QKI: variants seen among roughly 807,000 people sequenced by gnomAD.
QKI encodes the protein KH domain-containing RNA-binding protein QKI.
QKI carries 10 observed loss-of-function variants against 39.0 expected under a neutral mutation model. That is an observed-to-expected ratio of 0.26 (90% CI 0.16 to 0.43). QKI has a LOEUF of 0.43. Among genes scored for constraint, QKI ranks in the 20% least tolerant of loss-of-function variants. The pLI is 1.00. For missense variants in QKI, 218 were observed against 428.0 expected (o/e 0.51, Z 4.33); for synonymous variants, 204 against 155.4 (o/e 1.31, Z -2.33).
intron 2 of QKI, among the ~76,000 whole-genome samples, chr6:163,477,729 C>T (rs1792731256): frequency 6.6e-6 from 1 of 152,164 alleles, no homozygotes; most frequent in Non-Finnish European, 1.5e-5. Flanking sequence ...GTACTACCTA[C>T]CACCTTTCAT....
chr6:163,565,885 T>C, intron 6 of QKI: 10 of 1,606,078 alleles, frequency 6.2e-6, no homozygotes, highest in Non-Finnish European at 8.5e-6. Flanking sequence ...GTGAGGAGAT[T>C]GGTATTAGCA....
At chr6:163,417,558 T>A (rs1787622152) in intron 1 of QKI, among the ~76,000 whole-genome samples, 1 of 152,220 alleles carries the variant, frequency 6.6e-6, no homozygotes, top group African/African-American at 2.4e-5. Flanking sequence ...GCTTTAATAA[T>A]TTTTAATCTT....
At chr6:163,486,409 G>A (rs561781363) in intron 3 of QKI, among the ~76,000 whole-genome samples, 2 of 152,262 alleles carry the variant, frequency 1.3e-5, no homozygotes, top group Non-Finnish European at 2.9e-5. Flanking sequence ...CATGACTTAC[G>A]AAATGTTATT....
intron 2 of QKI, among the ~76,000 whole-genome samples, chr6:163,466,593 T>C (rs2128222069): frequency 6.6e-6 from 1 of 151,984 alleles, no homozygotes; most frequent in Middle Eastern, 3.4e-3. Flanking sequence ...CAACTAATCT[T>C]TGACAAGGGT....
chr6:163,545,778 C>T (rs1781824724), intron 4 of QKI, among the ~76,000 whole-genome samples: 1 of 151,434 alleles, frequency 6.6e-6, no homozygotes, highest in Admixed American at 6.6e-5. Flanking sequence ...AAATTTTAGG[C>T]GTTGCAAATG....
Position 163,572,446 on chromosome 6 carries a change from C to A in QKI, c.*1736C>A, listed in dbSNP as rs1274793548. ...TGTATCCTTTTACTGTTTCAATAAC[C>A]TCTGCCTCCCCCACCCCTTAACTTT... On this transcript the variant is annotated 3_prime_UTR_variant, in exon 8 of 8. Coordinates refer to ENST00000361752, the MANE Select transcript of QKI (RefSeq NM_006775.3). The A allele has an allele frequency of 6.6e-6, 1 of 152,136 alleles. No individual in the cohort carries two copies. The highest frequency in any genetic ancestry group is 1.5e-5 in the Non-Finnish European group (1 of 68,032). The allele number at this position is 152,136 out of a possible 1,614,324, so 9.4% of individuals were successfully genotyped here. A position where few individuals can be genotyped will look rare whatever the true frequency, so the allele number is the denominator to read the frequency against.
chr6:163,522,627 A>G (rs1780231588), intron 3 of QKI, among the ~76,000 whole-genome samples: 2 of 152,160 alleles, frequency 1.3e-5, no homozygotes, highest in Admixed American at 1.3e-4. Context: ...GTCAGCAAAT[A>G]TGAGTACTGG....
At chr6:163,488,898 C>T (rs1004310625) in intron 3 of QKI, among the ~76,000 whole-genome samples, 1 of 151,564 alleles carries the variant, frequency 6.6e-6, no homozygotes, top group Non-Finnish European at 1.5e-5. Flanking sequence ...CATCTCAGGC[C>T]CATTTATTTA....
intron 2 of QKI, among the ~76,000 whole-genome samples, chr6:163,456,477 A>C (rs950321135): frequency 4.6e-5 from 7 of 152,226 alleles, no homozygotes; most frequent in African/African-American, 1.7e-4. Flanking sequence ...TTATGAAAGC[A>C]GATGAAAAAA....
chr6:163,509,488 GA>G (rs746973369), intron 3 of QKI, among the ~76,000 whole-genome samples: 21 of 148,608 alleles, frequency 1.4e-4, no homozygotes, highest in Admixed American at 1.4e-3. Context: ...AGGGGGGGGG[GA>G]ATAGTATTGT....
chr6:163,417,193 C>T (rs980073580), intron 1 of QKI, among the ~76,000 whole-genome samples: 7 of 151,916 alleles, frequency 4.6e-5, no homozygotes, highest in Non-Finnish European at 8.8e-5. Context: ...ACTGTCTTCT[C>T]CTTGGCATAT....
intron 2 of QKI, among the ~76,000 whole-genome samples, chr6:163,473,441 G>C (rs1792352524): frequency 6.6e-6 from 1 of 152,082 alleles, no homozygotes. Flanking sequence ...AGAGAATTAT[G>C]GTCATTTTTG....
At chr6:163,428,099 T>G (rs555458772) in intron 1 of QKI, among the ~76,000 whole-genome samples, 1 of 152,320 alleles carries the variant, frequency 6.6e-6, no homozygotes, top group Non-Finnish European at 1.5e-5. Context: ...AATGTTCTCC[T>G]TTAAATTGTA....
rs148962893 is a variant in QKI at position 163,525,595 on chromosome 6, G to C, written c.403-9387G>C. On this transcript the variant is annotated intron_variant, in intron 3 of 7. Transcript: ENST00000361752. Reference sequence around the variant, plus strand: ...GCTGGTCTCAAACTTCTGACCTCGTGATCCTCCCCCCTCCCCGCCTCGGCC... The same window carrying C: ...GCTGGTCTCAAACTTCTGACCTCGTCATCCTCCCCCCTCCCCGCCTCGGCC... Among the ~76,000 whole-genome samples the C allele has an allele frequency of 5.3e-4, 80 of 152,132 alleles. No individual in the cohort carries two copies. The East Asian group carries it at 0.015, about 28-fold the overall frequency.
chr6:163,415,030 G>C lies in QKI; in HGVS notation c.-164G>C. On this transcript the variant is annotated 5_prime_UTR_variant, in exon 1 of 8. Transcript: ENST00000361752. ...CCTGCGGGGGGCGGGCGAGCGCGCGGTGCCGGCCGCCCCGGGGCTCGGCGC... is the reference window on the plus strand; with the variant it reads ...CCTGCGGGGGGCGGGCGAGCGCGCGCTGCCGGCCGCCCCGGGGCTCGGCGC... The C allele has an allele frequency of 1.5e-6, 1 of 679,024 alleles. No individual in the cohort carries two copies. Among genetic ancestry groups the C allele is most frequent in the Non-Finnish European group, 1.8e-6 (1 of 560,332 alleles). 42.1% of individuals were successfully genotyped at this position (679,024 alleles called of 1,614,324 possible).
chr6:163,516,573 G>A (rs1394839957), intron 3 of QKI, among the ~76,000 whole-genome samples: 5 of 152,196 alleles, frequency 3.3e-5, no homozygotes, highest in African/African-American at 1.2e-4. Context: ...GATTACAGGC[G>A]TGAGCCATTG....
At chr6:163,521,768 A>T (rs949016551) in intron 3 of QKI, among the ~76,000 whole-genome samples, 3 of 151,940 alleles carry the variant, frequency 2.0e-5, no homozygotes, top group African/African-American at 7.3e-5. Flanking sequence ...TGATTTGCCC[A>T]CCTCAGCCTC....
chr6:163,460,472 G>A (rs982071888), intron 2 of QKI, among the ~76,000 whole-genome samples: 9 of 152,190 alleles, frequency 5.9e-5, no homozygotes, highest in Admixed American at 3.3e-4. Flanking sequence ...ACATGTTGAT[G>A]ATGGAACACG....
chr6:163,484,189 G>T (rs1793297340), intron 3 of QKI, among the ~76,000 whole-genome samples: 2 of 150,940 alleles, frequency 1.3e-5, no homozygotes, highest in Non-Finnish European at 1.5e-5. Context: ...CACAGGCAGG[G>T]TACATTAGCC....
Sources: gnomAD v4.1 joint callset for allele counts (sites outside exome capture counted in the v4.1 genomes callset) on GRCh38, gnomAD v4.1.1 for gene constraint, MANE v1.5 for transcripts, NCBI Gene and HGNC (gene_info 2026-07-23, HGNC 2026-07-21) for gene names.